Variants in WWP1 observed in about 807,000 individuals in gnomAD.
WWP1 encodes WW domain containing E3 ubiquitin protein ligase 1, also known as NEDD4-like E3 ubiquitin-protein ligase WWP1.
WWP1 carries 49 observed loss-of-function variants against 130.6 expected under a neutral mutation model. The observed-to-expected ratio is 0.38, with a 90% CI of 0.30 to 0.48. WWP1 has a LOEUF of 0.48. WWP1 is among the 20% of genes least tolerant of loss of function. The pLI is 0.99. For synonymous variants in WWP1, 332 were observed against 367.8 expected (o/e 0.90, Z 1.11); for missense variants, 809 against 1,100.6 (o/e 0.74, Z 3.75).
intron 1 of WWP1, among the ~76,000 whole-genome samples, chr8:86,350,792 G>C (rs1404965642): frequency 1.3e-5 from 2 of 152,222 alleles, no homozygotes; most frequent in African/African-American, 4.8e-5. Context: ...GGTGGAAGCT[G>C]ACTGTTGAGT....
intron 14 of WWP1, 22 bp from the exon 15 acceptor site, chr8:86,435,430 G>A: frequency 6.2e-7 from 1 of 1,612,324 alleles, no homozygotes; most frequent in Non-Finnish European, 8.5e-7. Flanking sequence ...AGTTAATTTG[G>A]TTTATTTTTG....
At chr8:86,433,932 A>G (rs1810138820) in intron 14 of WWP1, among the ~76,000 whole-genome samples, 1 of 152,140 alleles carries the variant, frequency 6.6e-6, no homozygotes, top group Admixed American at 6.5e-5. Context: ...AAAAAAAAAA[A>G]ATGTAGAATC....
Position 86,426,704 on chromosome 8 carries a change from C to G in WWP1, c.1158-939C>G. ...CATCATGGGTGGAATGACATGGAGT[C>G]CACCTGTGTTTCAGGAAGAAAATTG... On this transcript the variant is annotated intron_variant, in intron 10 of 24. Transcript: ENST00000517970. Among the ~76,000 whole-genome samples the G allele has an allele frequency of 1.3e-5, 2 of 152,044 alleles. 1 individual carries two copies. The highest frequency in any genetic ancestry group is 4.2e-4 in the South Asian group (2 of 4,818).
chr8:86,381,387 A>C, intron 4 of WWP1, 118 bp from the exon 5 acceptor site: 1 of 1,246,280 alleles, frequency 8.0e-7, no homozygotes, highest in East Asian at 2.7e-5. Flanking sequence ...TTCTCAAATA[A>C]ATGAAATTCA....
chr8:86,459,124 G>A (rs960139786), intron 22 of WWP1, among the ~76,000 whole-genome samples: 2 of 143,888 alleles, frequency 1.4e-5, no homozygotes, highest in African/African-American at 5.1e-5. Context: ...CTGCCTCCCA[G>A]GTTCAAGTGA....
intron 5 of WWP1, among the ~76,000 whole-genome samples, chr8:86,390,598 G>T (rs1264174340): frequency 1.3e-5 from 2 of 152,166 alleles, no homozygotes; most frequent in Non-Finnish European, 2.9e-5. Context: ...GCAGGCTGAG[G>T]CAGGAGAATC....
Position 86,380,859 on chromosome 8 carries a change from A to G in WWP1, c.204A>G (p.Leu68=), listed in dbSNP as rs1186749025. Residue 68 remains leucine, a synonymous_variant, in exon 4 of 25, where the codon CTA becomes CTG. Transcript: ENST00000517970. ...CTAATCCAAAATGGGATGAACAGCT[A>G]ACTGTGTAAGTACCTTGTGTAAAGG... The part of the protein sequence containing the change: ...SSSNPKWDEQ[L]TVNVTPQTTL... The G allele has an allele frequency of 6.2e-7, 1 of 1,611,134 alleles. No homozygotes were observed. Among genetic ancestry groups the G allele is most frequent in the African/African-American group, 1.3e-5 (1 of 74,864 alleles).
chr8:86,442,773 G>A lies in WWP1; in HGVS notation c.1993G>A (p.Ala665Thr), dbSNP rs1253783501. ...SYFCFIGRFI[A>T]MALFHGKFID... The stretch of plus-strand genomic sequence containing the variant: ...CTTCTGTTTCATTGGTCGTTTTATT[G>A]CCATGGTGAGTTCCTGACTTTATTA... The change falls in exon 18 of 25, where the codon GCC becomes ACC. Residue 665 changes from alanine to threonine, a missense_variant. By Grantham distance (58) the Ala-to-Thr change is moderately conservative (BLOSUM62 0). Coordinates refer to ENST00000517970, the MANE Select transcript of WWP1 (RefSeq NM_007013.4). The A allele has an allele frequency of 6.2e-7, 1 of 1,604,054 alleles. No homozygotes were observed. The highest frequency in any genetic ancestry group is 1.7e-5 in the Admixed American group (1 of 58,448).
At chr8:86,368,443 T>C (rs1241875173) in intron 1 of WWP1, among the ~76,000 whole-genome samples, 1 of 149,000 alleles carries the variant, frequency 6.7e-6, no homozygotes. Flanking sequence ...TATAGTCATC[T>C]GGTCAAAGAC....
intron 1 of WWP1, among the ~76,000 whole-genome samples, chr8:86,353,470 A>G (rs1417232840): frequency 6.6e-6 from 1 of 151,618 alleles, no homozygotes; most frequent in South Asian, 2.1e-4. Context: ...ATTAGTTTGC[A>G]TTTCTTTTTG....
intron 9 of WWP1, among the ~76,000 whole-genome samples, chr8:86,419,672 A>C (rs1809086946): frequency 6.6e-6 from 1 of 152,210 alleles, no homozygotes; most frequent in Non-Finnish European, 1.5e-5. Context: ...GTCCTTAACA[A>C]AATAACAAAC....
Position 86,448,809 on chromosome 8 carries a change from T to C in WWP1, c.2273+296T>C, listed in dbSNP as rs75124656. Among the ~76,000 whole-genome samples the C allele has an allele frequency of 4.4e-3, 664 of 152,288 alleles. 6 individuals carry two copies. Among genetic ancestry groups the C allele is most frequent in the African/African-American group, 0.015 (630 of 41,558 alleles). On this transcript the variant is annotated intron_variant, in intron 20 of 24. Coordinates refer to ENST00000517970, the MANE Select transcript of WWP1 (RefSeq NM_007013.4). ...TTTTCTTGAATTCCATGATCCTATG[T>C]CATACTGATTTTCTTTACATTCTCT...
chr8:86,375,678 T>A (rs1281756074), intron 3 of WWP1, among the ~76,000 whole-genome samples: 1 of 152,204 alleles, frequency 6.6e-6, no homozygotes, highest in African/African-American at 2.4e-5. Context: ...CTCCTTTTGC[T>A]GGACATTGGC....
chr8:86,406,044 G>T (rs949739560), intron 8 of WWP1, among the ~76,000 whole-genome samples: 2 of 152,174 alleles, frequency 1.3e-5, no homozygotes, highest in Non-Finnish European at 2.9e-5. Context: ...CGGTTTAGTT[G>T]CTATGAAGAT....
chr8:86,454,366 C>T (rs765922832), intron 21 of WWP1, among the ~76,000 whole-genome samples: 1 of 151,576 alleles, frequency 6.6e-6, no homozygotes, highest in South Asian at 2.1e-4. Flanking sequence ...TCTGCTGATA[C>T]GAAAGCTGTT....
chr8:86,363,809 A>G (rs1009833495), intron 1 of WWP1, among the ~76,000 whole-genome samples: 17 of 151,888 alleles, frequency 1.1e-4, no homozygotes, highest in Admixed American at 6.6e-5. Flanking sequence ...AAAAAAAAAA[A>G]AAAAAGAAAT....
At chr8:86,379,065 A>G (rs1824832900) in intron 3 of WWP1, among the ~76,000 whole-genome samples, 2 of 152,234 alleles carry the variant, frequency 1.3e-5, no homozygotes, top group Non-Finnish European at 2.9e-5. Context: ...TAACACCATC[A>G]TATACTGACT....
chr8:86,428,620 A>C (rs1020385977), intron 11 of WWP1, among the ~76,000 whole-genome samples: 2 of 152,136 alleles, frequency 1.3e-5, no homozygotes, highest in African/African-American at 4.8e-5. Context: ...TTAAATAGTA[A>C]GTTCTCATTT....
chr8:86,376,232 T>G (rs890206315), intron 3 of WWP1, among the ~76,000 whole-genome samples: 5 of 152,198 alleles, frequency 3.3e-5, no homozygotes, highest in African/African-American at 1.2e-4. Context: ...AGGTGTAACT[T>G]TCAAATGATC....
Sources: gnomAD v4.1 joint callset for allele counts (sites outside exome capture counted in the v4.1 genomes callset) on GRCh38, gnomAD v4.1.1 for gene constraint, MANE v1.5 for transcripts, NCBI Gene and HGNC (gene_info 2026-07-23, HGNC 2026-07-21) for gene names.